WWP1: variants seen among roughly 807,000 people sequenced by gnomAD.
WWP1 encodes WW domain containing E3 ubiquitin protein ligase 1.
Under a neutral mutation model 130.6 loss-of-function variants are expected in WWP1, and 49 were observed. The observed-to-expected ratio is 0.38, with a 90% CI of 0.30 to 0.48. The LOEUF is 0.48. WWP1 is among the 20% of genes least tolerant of loss of function. The pLI is 0.99. For missense variants in WWP1, 809 were observed against 1,100.6 expected (o/e 0.74, Z 3.75); for synonymous variants, 332 against 367.8 (o/e 0.90, Z 1.11).
At chr8:86,348,582 G>A (rs943528730) in intron 1 of WWP1, among the ~76,000 whole-genome samples, 1 of 152,198 alleles carries the variant, frequency 6.6e-6, no homozygotes, top group African/African-American at 2.4e-5. Flanking sequence ...CTATGTGCCA[G>A]ACATATTTCT....
chr8:86,460,127 C>T (rs1309293385), intron 22 of WWP1, among the ~76,000 whole-genome samples: 1 of 152,148 alleles, frequency 6.6e-6, no homozygotes, highest in Non-Finnish European at 1.5e-5. Context: ...CCATTTATGT[C>T]GTTGAAAATA....
At chr8:86,435,769 G>C in intron 16 of WWP1, 65 bp downstream of exon 16, 1 of 1,528,540 alleles carries the variant, frequency 6.5e-7, no homozygotes, top group African/African-American at 1.4e-5. Context: ...TCTAAAGAAA[G>C]TCAGGGTTTT....
At chr8:86,376,872 G>T (rs1824687809) in intron 3 of WWP1, among the ~76,000 whole-genome samples, 1 of 152,092 alleles carries the variant, frequency 6.6e-6, no homozygotes, top group Non-Finnish European at 1.5e-5. Flanking sequence ...CTTCCGTTTT[G>T]TTGATCTAAT....
chr8:86,344,377 C>T (rs1822441277), intron 1 of WWP1, among the ~76,000 whole-genome samples: 1 of 152,176 alleles, frequency 6.6e-6, no homozygotes, highest in Admixed American at 6.5e-5. Context: ...TTTCTGCCTT[C>T]AAAGAGATGG....
At chr8:86,401,011 G>GT (rs79904046) in intron 7 of WWP1, among the ~76,000 whole-genome samples, 324 of 136,904 alleles carry the variant, frequency 2.4e-3, no homozygotes, top group African/African-American at 3.3e-3. Flanking sequence ...AACTTTTTTT[G>GT]TTTTTTTTTT....
In WWP1 at chr8:86,398,491, T is replaced by C. The variant is rs377393271; in HGVS notation, c.472+12T>C. ...CTCATCTCCAACCAGTAAGCTAACT[T>C]TATATGTTTGTAAAATTTCAAGGAA... is the stretch of plus-strand genomic sequence containing the variant. On this transcript the variant is annotated intron_variant, in intron 6 of 24. Transcript: ENST00000517970. 4 of 1,609,906 alleles carry C rather than the reference T, an allele frequency of 2.5e-6. No individual in the cohort carries two copies. The African/African-American group carries it at 4.0e-5, about 16-fold the overall frequency.
At chr8:86,455,913 T>C (rs1811419737) in intron 21 of WWP1, among the ~76,000 whole-genome samples, 1 of 151,968 alleles carries the variant, frequency 6.6e-6, no homozygotes, top group Non-Finnish European at 1.5e-5. Flanking sequence ...TGTGAAAGAA[T>C]AGACAAATTG....
chr8:86,426,954 A>C (rs1809659596), intron 10 of WWP1, among the ~76,000 whole-genome samples: 1 of 152,068 alleles, frequency 6.6e-6, no homozygotes, highest in Admixed American at 6.5e-5. Flanking sequence ...TGAGGTCAGG[A>C]GTTCGAGACC....
intron 9 of WWP1, among the ~76,000 whole-genome samples, chr8:86,421,641 G>A (rs957292993): frequency 2.0e-5 from 3 of 151,980 alleles, no homozygotes; most frequent in Non-Finnish European, 4.4e-5. Context: ...TGGCTAACAC[G>A]GTGAAACCCC....
At chr8:86,361,974 G>GTA (rs34016613) in intron 1 of WWP1, among the ~76,000 whole-genome samples, 3,007 of 127,540 alleles carry the variant, frequency 0.024, 49 homozygotes, top group Middle Eastern at 0.06. Context: ...GTGTGTGTGT[G>GTA]TATATATATA....
chr8:86,429,580 TTTTA>T (rs1214564699), intron 11 of WWP1, among the ~76,000 whole-genome samples: 2 of 152,232 alleles, frequency 1.3e-5, no homozygotes, highest in East Asian at 1.9e-4. Context: ...AAAAATGTGT[TTTTA>T]TGTATGTATG....
intron 8 of WWP1, 124 bp from the exon 9 acceptor site, chr8:86,411,414 G>C (rs1808576214): frequency 1.4e-6 from 1 of 731,702 alleles, no homozygotes; most frequent in African/African-American, 1.8e-5. Context: ...TTTGTCTGCT[G>C]TTTGGAGAAT....
intron 1 of WWP1, among the ~76,000 whole-genome samples, chr8:86,351,052 TC>T (rs1242557282): frequency 2.0e-5 from 3 of 152,230 alleles, no homozygotes; most frequent in African/African-American, 7.2e-5. Context: ...AGACCTGACT[TC>T]TGGTAGTATT....
At chr8:86,417,608 A>G (rs1019145353) in intron 9 of WWP1, among the ~76,000 whole-genome samples, 1 of 152,224 alleles carries the variant, frequency 6.6e-6, no homozygotes, top group African/African-American at 2.4e-5. Flanking sequence ...GTTAGATGGT[A>G]AGTTAGAAAT....
At chr8:86,414,970 C>T (rs890065772) in intron 9 of WWP1, among the ~76,000 whole-genome samples, 40 of 126,690 alleles carry the variant, frequency 3.2e-4, no homozygotes, top group African/African-American at 1.2e-3. Flanking sequence ...GAATGTTGGA[C>T]TTAGGGTAGG....
chr8:86,351,475 A>C (rs936286097), intron 1 of WWP1, among the ~76,000 whole-genome samples: 1 of 151,160 alleles, frequency 6.6e-6, no homozygotes, highest in Non-Finnish European at 1.5e-5. Context: ...AGTAGCTGGG[A>C]CTACAGTTAC....
intron 1 of WWP1, among the ~76,000 whole-genome samples, chr8:86,355,958 T>C (rs1286485669): frequency 6.6e-6 from 1 of 152,226 alleles, no homozygotes; most frequent in Non-Finnish European, 1.5e-5. Flanking sequence ...GGCTTCAAAT[T>C]CAGACTTACT....
chr8:86,394,413 CCTACCTTCTCT>C (rs753449472), intron 5 of WWP1, among the ~76,000 whole-genome samples: 25 of 152,200 alleles, frequency 1.6e-4, no homozygotes, highest in Non-Finnish European at 3.4e-4. Flanking sequence ...TTTTTAAGCA[CCTACCTTCTCT>C]CAGTTGCTGA....
chr8:86,444,202 GT>G (rs1192857445), intron 18 of WWP1, among the ~76,000 whole-genome samples: 1 of 152,196 alleles, frequency 6.6e-6, no homozygotes, highest in Non-Finnish European at 1.5e-5. Flanking sequence ...AGAACTAACA[GT>G]TTTCTGACAG....
Sources: gnomAD v4.1 joint callset for allele counts (sites outside exome capture counted in the v4.1 genomes callset) on GRCh38, gnomAD v4.1.1 for gene constraint, MANE v1.5 for transcripts, NCBI Gene and HGNC (gene_info 2026-07-23, HGNC 2026-07-21) for gene names.